CMTM7: variants seen among roughly 807,000 people sequenced by gnomAD.
CMTM7 encodes the protein CKLF-like MARVEL transmembrane domain-containing protein 7.
A neutral mutation model predicts 19.3 loss-of-function variants in CMTM7; 7 were observed. That is an observed-to-expected ratio of 0.36 (90% CI 0.21 to 0.68). The LOEUF (loss-of-function observed/expected upper bound fraction) is 0.68. Ranked by LOEUF, CMTM7 falls within the 30% of genes least tolerant of loss-of-function variation. The probability of loss-of-function intolerance (pLI) is 0.60; values close to 1 mark genes in which losing one functional copy is unlikely to be tolerated. For synonymous variants in CMTM7, 87 were observed against 99.3 expected (o/e 0.88, Z 0.74); for missense variants, 193 against 232.6 (o/e 0.83, Z 1.11).
In CMTM7 at chr3:32,455,181, T is replaced by C. The variant is rs911221835; in HGVS notation, c.*927T>C. 6.6e-6 allele frequency: 1 copy of C among 152,364 alleles called. No individual in the cohort carries two copies. Among genetic ancestry groups the C allele is most frequent in the African/African-American group, 2.4e-5 (1 of 41,468 alleles). 9.4% of individuals were successfully genotyped at this position (152,364 alleles called of 1,614,324 possible). ...ATGTGCTGTTTCGCTGATCTTGAGC[T>C]GCTCAGTTGGCTAGAAAAAGGAGGG... On this transcript the variant is annotated 3_prime_UTR_variant, in exon 5 of 5. Coordinates refer to ENST00000334983, the MANE Select transcript of CMTM7 (RefSeq NM_138410.4).
chr3:32,411,557 G>T (rs1208165756), intron 1 of CMTM7, among the ~76,000 whole-genome samples: 1 of 152,180 alleles, frequency 6.6e-6, no homozygotes, highest in Non-Finnish European at 1.5e-5. Flanking sequence ...TGCTGGGTTT[G>T]TGCACTGGCT....
chr3:32,425,989 T>C (rs1696425376), intron 1 of CMTM7, among the ~76,000 whole-genome samples: 1 of 151,958 alleles, frequency 6.6e-6, no homozygotes, highest in Non-Finnish European at 1.5e-5. Context: ...CTACTAAAAA[T>C]ATGAAATTAG....
At chr3:32,423,025 A>G (rs1164807350) in intron 1 of CMTM7, among the ~76,000 whole-genome samples, 8 of 152,256 alleles carry the variant, frequency 5.3e-5, no homozygotes, top group African/African-American at 1.9e-4. Context: ...TCAGTGGCAT[A>G]CAGCAATAAA....
chr3:32,398,559 C>T (rs923321171), intron 1 of CMTM7, among the ~76,000 whole-genome samples: 8 of 151,770 alleles, frequency 5.3e-5, no homozygotes, highest in African/African-American at 9.7e-5. Context: ...CAAACAGGTT[C>T]GAAATTATGA....
At chr3:32,410,089 C>A (rs1696149717) in intron 1 of CMTM7, among the ~76,000 whole-genome samples, 1 of 152,144 alleles carries the variant, frequency 6.6e-6, no homozygotes, top group Non-Finnish European at 1.5e-5. Context: ...CTGGACTGCC[C>A]CCTCTCCTGC....
At chr3:32,446,202 A>T (rs1235848553) in intron 2 of CMTM7, among the ~76,000 whole-genome samples, 1 of 152,148 alleles carries the variant, frequency 6.6e-6, no homozygotes, top group Non-Finnish European at 1.5e-5. Flanking sequence ...CCATCTTTTC[A>T]GATTGCATCA....
Position 32,427,141 on chromosome 3 carries a change from A to C in CMTM7, c.160-14699A>C, listed in dbSNP as rs547263397. 2.6e-5 allele frequency among the ~76,000 whole-genome samples: 4 copies of C among 152,370 alleles called. No homozygotes were observed. The South Asian group carries it at 6.2e-4, about 24-fold the overall frequency. On this transcript the variant is annotated intron_variant, in intron 1 of 4. Coordinates refer to ENST00000334983, the MANE Select transcript of CMTM7 (RefSeq NM_138410.4). ...GAAATACAACTGGGTTTACACAGAA[A>C]TGAACTCAGGGCATGGCTGGAGGGA...
intron 1 of CMTM7, among the ~76,000 whole-genome samples, chr3:32,410,782 G>T (rs534503028): frequency 5.3e-5 from 8 of 152,262 alleles, no homozygotes; most frequent in Admixed American, 2.0e-4. Flanking sequence ...GAGTTGACAG[G>T]TTTCGACAGA....
chr3:32,403,683 A>T (rs1696044152), intron 1 of CMTM7, among the ~76,000 whole-genome samples: 1 of 152,150 alleles, frequency 6.6e-6, no homozygotes, highest in Non-Finnish European at 1.5e-5. Context: ...TCTTAAAAGG[A>T]CAATTTGGGG....
intron 1 of CMTM7, among the ~76,000 whole-genome samples, chr3:32,404,148 T>TTTCTTTTTTTG (rs1176956966): frequency 1.1e-5 from 1 of 91,994 alleles, no homozygotes; most frequent in Non-Finnish European, 2.5e-5. Context: ...CTTTCTTTTT[T>TTTCTTTTTTTG]TTTCTTTTTT....
chr3:32,423,852 C>G (rs1480452184), intron 1 of CMTM7, among the ~76,000 whole-genome samples: 1 of 152,174 alleles, frequency 6.6e-6, no homozygotes, highest in Non-Finnish European at 1.5e-5. Flanking sequence ...CAGATGGTGT[C>G]TCTTTCACCT....
At chr3:32,429,576 C>A (rs1463605112) in intron 1 of CMTM7, among the ~76,000 whole-genome samples, 1 of 151,604 alleles carries the variant, frequency 6.6e-6, no homozygotes, top group Non-Finnish European at 1.5e-5. Context: ...CAGGCGTGAG[C>A]CATCACGGCT....
At chr3:32,453,331 G>A (rs1038160207) in intron 4 of CMTM7, among the ~76,000 whole-genome samples, 4 of 152,084 alleles carry the variant, frequency 2.6e-5, no homozygotes, top group Non-Finnish European at 5.9e-5. Flanking sequence ...CCCAGAAGTA[G>A]CACTGAGTAT....
At chr3:32,400,399 C>CTTTT (rs11425160) in intron 1 of CMTM7, among the ~76,000 whole-genome samples, 204 of 116,508 alleles carry the variant, frequency 1.8e-3, no homozygotes, top group Non-Finnish European at 2.0e-3. Flanking sequence ...TCTTCTTCTT[C>CTTTT]TTTTTTTTTT....
intron 1 of CMTM7, among the ~76,000 whole-genome samples, chr3:32,416,745 G>A (rs556606377): frequency 1.1e-4 from 16 of 152,288 alleles, no homozygotes; most frequent in African/African-American, 3.6e-4. Context: ...CTGGGCTCTG[G>A]TGTAGATGAA....
intron 1 of CMTM7, among the ~76,000 whole-genome samples, chr3:32,436,136 C>A (rs1272773238): frequency 6.6e-6 from 1 of 152,198 alleles, no homozygotes; most frequent in Non-Finnish European, 1.5e-5. Flanking sequence ...AGATTATTCT[C>A]CCTCCCTTGG....
chr3:32,412,624 T>C (rs1024143834), intron 1 of CMTM7, among the ~76,000 whole-genome samples: 5 of 149,730 alleles, frequency 3.3e-5, no homozygotes, highest in African/African-American at 1.2e-4. Flanking sequence ...TTTTTTAAGT[T>C]TTTGAGATGT....
Position 32,392,033 on chromosome 3 carries a change from AC to A in CMTM7, c.130del (p.His44ThrfsTer5). On this transcript the variant is annotated frameshift_variant, in exon 1 of 5. Transcript: ENST00000334983. LOFTEE classifies it high-confidence loss of function. ...EGLLDLSYPR[T>X]HAALLKVAQM... ...GCTGCTGGACCTCAGCTACCCCCGCACCCACGCGGCCCTGCTGAAAGTGGCG... is the reference window on the plus strand; with the variant it reads ...GCTGCTGGACCTCAGCTACCCCCGCACCACGCGGCCCTGCTGAAAGTGGCG... 1 of 1,235,260 alleles carries A rather than the reference AC, an allele frequency of 8.1e-7. No individual in the cohort carries two copies. The allele number at this position is 1,235,260 out of a possible 1,614,324, so 76.5% of individuals were successfully genotyped here. A position where few individuals can be genotyped will look rare whatever the true frequency, so the allele number is the denominator to read the frequency against.
intron 1 of CMTM7, among the ~76,000 whole-genome samples, chr3:32,408,418 T>C (rs1380238150): frequency 6.6e-6 from 1 of 152,236 alleles, no homozygotes; most frequent in Non-Finnish European, 1.5e-5. Context: ...AGGAATTAAC[T>C]TTCGGAGAGG....
Sources: allele counts gnomAD v4.1 joint callset (sites outside exome capture counted in the v4.1 genomes callset), GRCh38; gene constraint gnomAD v4.1.1; transcripts MANE v1.5; gene names NCBI Gene and HGNC (gene_info 2026-07-23, HGNC 2026-07-21).